ICE1: variants seen among roughly 807,000 people sequenced by gnomAD.
The protein encoded by ICE1 is little elongation complex subunit 1.
A neutral mutation model predicts 192.7 loss-of-function variants in ICE1; 64 were observed. The ratio of observed to expected loss-of-function variants is 0.33; its 90% CI spans 0.27 to 0.41. ICE1 has a LOEUF of 0.41. Among genes scored for constraint, ICE1 ranks in the 10% least tolerant of loss-of-function variants. ICE1 has a pLI of 1.00. For synonymous variants in ICE1, 1,010 were observed against 984.5 expected, an observed-to-expected ratio of 1.03 and a Z score of -0.49; for missense variants, 2,708 against 2,696.0, an observed-to-expected ratio of 1.00 and a Z score of -0.10.
chr5:5,477,939 A>G (rs1049693453), intron 17 of ICE1, among the ~76,000 whole-genome samples: 1 of 152,236 alleles, frequency 6.6e-6, no homozygotes, highest in Non-Finnish European at 1.5e-5. Context: ...ACATCCCTTC[A>G]TGCTAAAAAC....
At chr5:5,458,738 C>T (rs1738659416) in intron 12 of ICE1, among the ~76,000 whole-genome samples, 1 of 152,022 alleles carries the variant, frequency 6.6e-6, no homozygotes, top group Non-Finnish European at 1.5e-5. Context: ...TTGATGAATC[C>T]AAAGACATAG....
At chr5:5,436,988 T>C (rs1737888557) in intron 2 of ICE1, 92 bp from the exon 3 acceptor site, 1 of 781,098 alleles carries the variant, frequency 1.3e-6, no homozygotes, top group Non-Finnish European at 2.2e-6. Flanking sequence ...CTAGGAAGTC[T>C]AGAGGGTGCC....
At position 5,461,073 on chromosome 5, in the gene ICE1, C is replaced by T; in HGVS notation, c.1739C>T (p.Thr580Ile). The change falls in exon 13 of 19, where the codon ACA (threonine) becomes ATA (isoleucine). Residue 580 changes from threonine (T) to isoleucine (I), a missense_variant. Physicochemically the swap from Thr to Ile is moderately conservative, Grantham distance 89. Around this residue, in one of 2 missense-constraint regions of ICE1, gnomAD observed 2,366 missense variants for 2,276.6 expected, o/e 1.04. Transcript: ENST00000296564. ...ATCACTTCTGAACCAGACCGTATCACAGTTTCTGGCCATTTTCACAGACTA... is the reference window on the plus strand; with the variant it reads ...ATCACTTCTGAACCAGACCGTATCATAGTTTCTGGCCATTTTCACAGACTA... ...NEITSEPDRI[T>I]VSGHFHRLSR... 6.2e-7 allele frequency: 1 copy of T among 1,614,038 alleles called. No individual in the cohort carries two copies. Among genetic ancestry groups the T allele is most frequent in the Non-Finnish European group, 8.5e-7 (1 of 1,179,890 alleles).
At chr5:5,466,684 A>G (rs755503860) in intron 14 of ICE1, among the ~76,000 whole-genome samples, 182 bp downstream of exon 14, 4 of 152,224 alleles carry the variant, frequency 2.6e-5, no homozygotes, top group Non-Finnish European at 4.4e-5. Flanking sequence ...TACTTATATC[A>G]GCACTATATT....
intron 1 of ICE1, among the ~76,000 whole-genome samples, chr5:5,424,046 GA>G (rs1448104183): frequency 1.3e-5 from 2 of 152,180 alleles, no homozygotes; most frequent in African/African-American, 2.4e-5. Context: ...AGAGATGTGG[GA>G]AGAGCTTCCT....
intron 15 of ICE1, 71 bp from the exon 16 acceptor site, chr5:5,473,485 CTT>C (rs1256431233): frequency 7.7e-7 from 1 of 1,302,254 alleles, no homozygotes; most frequent in East Asian, 2.4e-5. Context: ...TTATTATAGT[CTT>C]TTAGATAACT....
intron 1 of ICE1, among the ~76,000 whole-genome samples, chr5:5,432,912 G>A (rs192641854): frequency 2.0e-5 from 3 of 152,282 alleles, no homozygotes; most frequent in Admixed American, 2.0e-4. Context: ...TCTGTCTCAT[G>A]TTTGGAAGTC....
intron 2 of ICE1, 99 bp downstream of exon 2, chr5:5,436,575 A>G (rs1737878512): frequency 1.0e-5 from 6 of 593,388 alleles, no homozygotes; most frequent in Middle Eastern, 2.7e-4. Context: ...AATGAACACT[A>G]GAGTTTCTCC....
chr5:5,434,667 T>C (rs1365166048), intron 1 of ICE1, among the ~76,000 whole-genome samples: 1 of 152,154 alleles, frequency 6.6e-6, no homozygotes, highest in African/African-American at 2.4e-5. Context: ...CTAACCAGGA[T>C]GTAGAAAACA....
intron 1 of ICE1, among the ~76,000 whole-genome samples, chr5:5,425,210 T>G (rs916439909): frequency 2.6e-5 from 4 of 152,168 alleles, no homozygotes; most frequent in Admixed American, 2.6e-4. Flanking sequence ...TACTCTAATG[T>G]ATGGCCTAGA....
intron 12 of ICE1, among the ~76,000 whole-genome samples, chr5:5,460,163 G>T (rs1738723568): frequency 6.6e-6 from 1 of 152,168 alleles, no homozygotes; most frequent in Admixed American, 6.5e-5. Flanking sequence ...ACATAACCCT[G>T]TGTAGAGTGG....
chr5:5,479,935 G>A (rs1026736746), intron 17 of ICE1, among the ~76,000 whole-genome samples: 1 of 152,034 alleles, frequency 6.6e-6, no homozygotes, highest in Non-Finnish European at 1.5e-5. Context: ...GGGGCCTGTC[G>A]GGGCATGGGG....
rs545698164 is a variant in ICE1, at chr5:5,462,269, G to A, written c.2935G>A (p.Gly979Arg). ...QDIVREAAVQ[G>R]DGQKQRQPQA... ...CATTGTGAGAGAAGCTGCAGTGCAG[G>A]GAGATGGGCAGAAGCAAAGGCAGCC... The change falls in exon 13 of 19, where the codon GGA becomes AGA. Residue 979 changes from glycine to arginine, a missense_variant. Gly to Arg is a moderately radical substitution (Grantham distance 125, BLOSUM62 -2). Around this residue, in one of 2 missense-constraint regions of ICE1, gnomAD observed 2,366 missense variants for 2,276.6 expected, o/e 1.04. Transcript: ENST00000296564. 5 of 1,613,242 alleles carry A rather than the reference G, an allele frequency of 3.1e-6. No individual in the cohort carries two copies. In the East Asian group the frequency reaches 1.1e-4, roughly 36 times the overall value.
intron 1 of ICE1, among the ~76,000 whole-genome samples, chr5:5,432,929 A>C (rs1737764018): frequency 6.6e-6 from 1 of 152,140 alleles, no homozygotes; most frequent in African/African-American, 2.4e-5. Context: ...AGTCCTTGCA[A>C]AGAGCGAGTA....
chr5:5,441,198 T>C lies in ICE1; in HGVS notation c.284T>C (p.Leu95Ser). 1.3e-6 allele frequency: 2 copies of C among 1,559,512 alleles called. No individual in the cohort carries two copies. The highest frequency in any genetic ancestry group is 1.7e-6 in the Non-Finnish European group (2 of 1,149,784). Residue 95 changes from leucine to serine, a missense_variant, in exon 5 of 19, where the codon TTA becomes TCA. Leu to Ser is a moderately radical substitution (Grantham distance 145). Transcript: ENST00000296564. ...AAATGTCAGGAAGAACTGGGATCTT[T>C]AAAAGCAGAGCTAGAAGAGAAAAAG... ...LQKCQEELGS[L>S]KAELEEKKSS...
chr5:5,462,691 G>A lies in ICE1; in HGVS notation c.3357G>A (p.Gly1119=). ...GTGAGGCATTTAGCTGCAGTGAGGGGAGCGAACAGCAAGATGCTCCTGATG... is the reference window on the plus strand; with the variant it reads ...GTGAGGCATTTAGCTGCAGTGAGGGAAGCGAACAGCAAGATGCTCCTGATG... ...VESEAFSCSE[G]SEQQDAPDDS... The change falls in exon 13 of 19, where the codon GGG becomes GGA. Residue 1119 remains glycine (G), a synonymous_variant. Coordinates refer to ENST00000296564, the MANE Select transcript of ICE1 (RefSeq NM_015325.3). 6.2e-7 allele frequency: 1 copy of A among 1,613,918 alleles called. No individual in the cohort carries two copies. Among genetic ancestry groups the A allele is most frequent in the South Asian group, 1.1e-5 (1 of 91,074 alleles).
rs182411375 is a variant in ICE1, at chr5:5,470,672, G to A, written c.6222+1684G>A. 5.8e-4 allele frequency among the ~76,000 whole-genome samples: 89 copies of A among 152,164 alleles called. No individual in the cohort carries two copies. In the Middle Eastern group the frequency reaches 0.01, roughly 17 times the overall value. On this transcript the variant is annotated intron_variant, in intron 15 of 18. Coordinates refer to ENST00000296564, the MANE Select transcript of ICE1 (RefSeq NM_015325.3). ...ATATCTATGACACATTTGCACAAAT[G>A]AATGATGAATTGGCCACATGAAAAC...
In ICE1 at chr5:5,423,005, G is replaced by A; in HGVS notation, c.84+6G>A. ...GCTGCGCCTCTCTGCAGCAGGTGCA[G>A]CACCTCCCGGGGCCCCGGGCGCGGG... is the stretch of plus-strand genomic sequence containing the variant. On this transcript the variant is annotated splice_donor_region_variant and intron_variant, in intron 1 of 18. Transcript: ENST00000296564. 2.1e-6 allele frequency: 3 copies of A among 1,400,274 alleles called. No individual in the cohort carries two copies. Among genetic ancestry groups the A allele is most frequent in the Non-Finnish European group, 2.8e-6 (3 of 1,074,602 alleles). 86.7% of individuals were successfully genotyped at this position (1,400,274 alleles called of 1,614,324 possible). A position where few individuals can be genotyped will look rare whatever the true frequency, so the allele number is the denominator to read the frequency against.
chr5:5,463,186 T>C lies in ICE1; in HGVS notation c.3852T>C (p.Ser1284=). 1.2e-6 allele frequency: 2 copies of C among 1,611,406 alleles called. No individual in the cohort carries two copies. The highest frequency in any genetic ancestry group is 1.7e-6 in the Non-Finnish European group (2 of 1,178,972). The change falls in exon 13 of 19, where the codon AGT becomes AGC. Residue 1284 remains serine (S), a synonymous_variant. Transcript: ENST00000296564. ...SEDCNGKDTG[S]LLLLNVNNNM... is the part of the protein sequence containing the mutation. ...ATTGCAATGGTAAAGATACTGGCAG[T>C]TTATTGCTCTTAAATGTAAATAACA...
Sources: gnomAD v4.1 joint callset for allele counts (sites outside exome capture counted in the v4.1 genomes callset) on GRCh38, gnomAD v4.1.1 for gene constraint, gnomAD v4.1.1 regional missense constraint, MANE v1.5 for transcripts, NCBI Gene and HGNC (gene_info 2026-07-23, HGNC 2026-07-21) for gene names.